Variants in SNX25 observed in about 807,000 individuals in gnomAD.
The protein encoded by SNX25 is sorting nexin-25.
Under a neutral mutation model 113.7 loss-of-function variants are expected in SNX25, and 62 were observed. The ratio of observed to expected loss-of-function variants is 0.55; its 90% confidence interval spans 0.44 to 0.67. The LOEUF is 0.67. Ranked by LOEUF, SNX25 falls within the 30% of genes least tolerant of loss-of-function variation. The pLI, the probability that SNX25 is intolerant of heterozygous loss-of-function variation, is 0.00. For missense variants in SNX25, 1,014 were observed against 1,161.0 expected (o/e 0.87, Z 1.84); for synonymous variants, 421 against 436.2 (o/e 0.97, Z 0.43).
intron 15 of SNX25, among the ~76,000 whole-genome samples, 160 bp downstream of exon 15, chr4:185,353,762 C>G (rs1452148001): frequency 9.9e-5 from 15 of 152,192 alleles, no homozygotes; most frequent in Non-Finnish European, 2.2e-4. Flanking sequence ...AGAGCCAACC[C>G]AGGCCGGGCA....
chr4:185,328,647 T>C (rs2095172801), intron 9 of SNX25, among the ~76,000 whole-genome samples: 1 of 152,098 alleles, frequency 6.6e-6, no homozygotes, highest in Non-Finnish European at 1.5e-5. Context: ...AATTAAAGGA[T>C]TGGGTTATGT....
In SNX25 at chr4:185,218,313, G is replaced by A. The variant is rs368241361; in HGVS notation, c.429+8058G>A. On this transcript the variant is annotated intron_variant, in intron 1 of 18. Coordinates refer to ENST00000652585, the MANE Select transcript of SNX25 (RefSeq NM_001378034.2). ...TTGGCCAGGCTGGTCTCGAACTCCTGACCTCAGGCGATCCGTGCCCCTTGG... is the reference window on the plus strand; with the variant it reads ...TTGGCCAGGCTGGTCTCGAACTCCTAACCTCAGGCGATCCGTGCCCCTTGG... 7.2e-5 allele frequency among the ~76,000 whole-genome samples: 11 copies of A among 152,368 alleles called. 1 individual carries two copies. In the East Asian group the frequency reaches 1.2e-3, roughly 16 times the overall value.
At chr4:185,298,684 C>A (rs1167979092) in intron 6 of SNX25, among the ~76,000 whole-genome samples, 2 of 152,116 alleles carry the variant, frequency 1.3e-5, no homozygotes, top group African/African-American at 4.8e-5. Context: ...CTGAACTCAC[C>A]CTGATTCCTT....
intron 12 of SNX25, 79 bp downstream of exon 12, chr4:185,342,195 T>C: frequency 3.6e-6 from 5 of 1,400,004 alleles, no homozygotes; most frequent in Non-Finnish European, 4.7e-6. Flanking sequence ...GAAAGCTGAT[T>C]AATCTTCTTC....
At chr4:185,344,787 C>G (rs2095277189) in intron 12 of SNX25, among the ~76,000 whole-genome samples, 1 of 152,108 alleles carries the variant, frequency 6.6e-6, no homozygotes, top group Non-Finnish European at 1.5e-5. Context: ...GATTTTTTAA[C>G]CTGTTTTCAT....
chr4:185,345,225 C>G (rs1561037978), intron 12 of SNX25, among the ~76,000 whole-genome samples: 1 of 152,144 alleles, frequency 6.6e-6, no homozygotes, highest in African/African-American at 2.4e-5. Flanking sequence ...CCCTTTCCTA[C>G]GGTGTGAGTT....
intron 1 of SNX25, among the ~76,000 whole-genome samples, chr4:185,226,244 T>C (rs775650048): frequency 2.0e-5 from 3 of 152,216 alleles, no homozygotes; most frequent in Non-Finnish European, 2.9e-5. Flanking sequence ...GCGATCACTT[T>C]TTCTGCGGCT....
intron 6 of SNX25, among the ~76,000 whole-genome samples, chr4:185,292,643 T>C (rs566793399): frequency 6.6e-6 from 1 of 152,304 alleles, no homozygotes; most frequent in South Asian, 2.1e-4. Context: ...CCTCAGGTGA[T>C]CTGCCTGCCT....
At chr4:185,263,649 T>C (rs1259823329) in intron 3 of SNX25, among the ~76,000 whole-genome samples, 2 of 152,226 alleles carry the variant, frequency 1.3e-5, no homozygotes, top group Non-Finnish European at 2.9e-5. Context: ...TCCTGTGCAG[T>C]ACCTAGTATG....
intron 6 of SNX25, among the ~76,000 whole-genome samples, chr4:185,303,487 G>A (rs773584260): frequency 1.3e-5 from 2 of 151,602 alleles, no homozygotes; most frequent in African/African-American, 2.4e-5. Flanking sequence ...GTGAAACCCC[G>A]TCTCTACTAA....
chr4:185,272,958 G>A (rs927655684), intron 5 of SNX25, among the ~76,000 whole-genome samples: 1 of 152,172 alleles, frequency 6.6e-6, no homozygotes, highest in Non-Finnish European at 1.5e-5. Context: ...TCTGTTTACT[G>A]TAGAATTTTT....
intron 1 of SNX25, among the ~76,000 whole-genome samples, chr4:185,240,421 T>C (rs534260221): frequency 1.3e-3 from 126 of 100,158 alleles, no homozygotes; most frequent in African/African-American, 3.3e-3. Context: ...CCCTCCCGGA[T>C]GGGGCGGCTG....
intron 7 of SNX25, among the ~76,000 whole-genome samples, chr4:185,316,779 G>T (rs1466248506): frequency 6.6e-6 from 1 of 152,182 alleles, no homozygotes; most frequent in Admixed American, 6.5e-5. Context: ...TACTGGAGTT[G>T]TTGGCCCATC....
intron 6 of SNX25, among the ~76,000 whole-genome samples, chr4:185,301,370 G>A (rs1001339910): frequency 2.6e-5 from 4 of 152,028 alleles, no homozygotes; most frequent in East Asian, 1.9e-4. Flanking sequence ...CATCTGTATC[G>A]TTAGTCAGAC....
At chr4:185,263,146 C>T (rs2126535920) in intron 3 of SNX25, among the ~76,000 whole-genome samples, 1 of 152,262 alleles carries the variant, frequency 6.6e-6, no homozygotes, top group Non-Finnish European at 1.5e-5. Flanking sequence ...CCTTTATTAT[C>T]TGCCTTCCAC....
chr4:185,347,553 C>T (rs1040040371), intron 13 of SNX25, among the ~76,000 whole-genome samples: 9 of 152,120 alleles, frequency 5.9e-5, no homozygotes, highest in African/African-American at 1.7e-4. Flanking sequence ...TCACCGTAAC[C>T]TCTGCCTCCC....
downstream of SNX25, chr4:185,364,219 G>A (rs1302138907): frequency 1.3e-5 from 2 of 152,180 alleles, no homozygotes; most frequent in Non-Finnish European, 2.9e-5. Flanking sequence ...GCTGACCCTT[G>A]GAGTATGGGC....
chr4:185,218,574 T>C (rs1031471957), intron 1 of SNX25, among the ~76,000 whole-genome samples: 19 of 152,222 alleles, frequency 1.2e-4, no homozygotes, highest in Non-Finnish European at 4.4e-5. Context: ...AGTCCTGGTA[T>C]GTTTGTCAGC....
At chr4:185,258,427 C>T (rs897988367) in intron 2 of SNX25, among the ~76,000 whole-genome samples, 5 of 152,094 alleles carry the variant, frequency 3.3e-5, no homozygotes, top group African/African-American at 4.8e-5. Context: ...GTTATGCCAG[C>T]GGGCAAAGAA....
Sources: gnomAD v4.1 joint callset for allele counts (sites outside exome capture counted in the v4.1 genomes callset) on GRCh38, gnomAD v4.1.1 for gene constraint, MANE v1.5 for transcripts, NCBI Gene and HGNC (gene_info 2026-07-23, HGNC 2026-07-21) for gene names.